Variants in FAM76B observed in about 807,000 individuals in gnomAD.
The protein encoded by FAM76B is protein FAM76B.
FAM76B carries 16 observed loss-of-function variants against 51.8 expected under a neutral mutation model. That is an observed-to-expected ratio of 0.31 (90% CI 0.21 to 0.47). The LOEUF (loss-of-function observed/expected upper bound fraction) is 0.47. Ranked by LOEUF, FAM76B falls within the 20% of genes least tolerant of loss-of-function variation. The pLI is 1.00. For missense variants in FAM76B, 342 were observed against 392.6 expected, an observed-to-expected ratio of 0.87 and a Z score of 1.09; for synonymous variants, 166 against 129.5, an observed-to-expected ratio of 1.28 and a Z score of -1.91.
chr11:95,783,062 T>C lies in FAM76B; in HGVS notation c.563+3A>G, dbSNP rs1347588702. 6.2e-7 allele frequency: 1 copy of C among 1,613,576 alleles called. No homozygotes were observed. Among genetic ancestry groups the C allele is most frequent in the Non-Finnish European group, 8.5e-7 (1 of 1,179,754 alleles). On this transcript the variant is annotated splice_donor_region_variant and intron_variant, in intron 5 of 9. Coordinates refer to ENST00000358780, the MANE Select transcript of FAM76B (RefSeq NM_144664.5). ...TTAGAAAATATGATTTCAAAGTACTTACTTGTGATGGCTACTGCTGTGACG... is the reference window on the plus strand; with the variant it reads ...TTAGAAAATATGATTTCAAAGTACTCACTTGTGATGGCTACTGCTGTGACG...
chr11:95,786,518 CAT>C, intron 3 of FAM76B: 1 of 388,158 alleles, frequency 2.6e-6, no homozygotes, highest in Non-Finnish European at 4.6e-6. Flanking sequence ...TTGTGATTTG[CAT>C]AGTCTGTTAG....
intron 1 of FAM76B, chr11:95,789,146 G>T: frequency 8.1e-7 from 1 of 1,234,372 alleles, no homozygotes; most frequent in Non-Finnish European, 1.1e-6. Context: ...ACCCCCAGAC[G>T]CTGACGGGGC....
At chr11:95,773,337 T>C (rs1200808028) in intron 9 of FAM76B, among the ~76,000 whole-genome samples, 2 of 150,708 alleles carry the variant, frequency 1.3e-5, no homozygotes, top group East Asian at 1.9e-4. Context: ...AATAACACAA[T>C]TGTTAAGTAC....
Position 95,785,268 on chromosome 11 carries a change from CCA to C in FAM76B, c.363+849_363+850del, listed in dbSNP as rs1262027229. ...AACACAGTAAGGTTCGTTACTATCC[CCA>C]GTTTCAGGCATCCACTGGTCTTAGA... On this transcript the variant is annotated intron_variant, in intron 4 of 9. Transcript: ENST00000358780. Among the ~76,000 whole-genome samples, 8 of 152,240 alleles carry C rather than the reference CCA, an allele frequency of 5.3e-5. 1 individual carries two copies. In the South Asian group the frequency reaches 1.7e-3, roughly 32 times the overall value.
intron 1 of FAM76B, chr11:95,789,014 C>T: frequency 7.3e-7 from 1 of 1,362,982 alleles, no homozygotes; most frequent in Non-Finnish European, 9.6e-7. Flanking sequence ...GTGCAAAAAC[C>T]GTCCCCTGCC....
chr11:95,773,298 A>G (rs1859850747), intron 9 of FAM76B, among the ~76,000 whole-genome samples: 1 of 151,082 alleles, frequency 6.6e-6, no homozygotes, highest in Non-Finnish European at 1.5e-5. Flanking sequence ...TTAATAAATT[A>G]CATAAGACAA....
In FAM76B at chr11:95,789,554, G is replaced by T. The variant is rs1455487976; in HGVS notation, c.-76C>A. ...TACGGAGAACCCGAGAGCCGCCGCC[G>T]CCCGGGCCGCGGGCTCCTCCTCCTC... On this transcript the variant is annotated 5_prime_UTR_variant, in exon 1 of 10. Coordinates refer to ENST00000358780, the MANE Select transcript of FAM76B (RefSeq NM_144664.5). 1.5e-6 allele frequency: 2 copies of T among 1,369,846 alleles called. No homozygotes were observed. The highest frequency in any genetic ancestry group is 9.9e-7 in the Non-Finnish European group (1 of 1,006,140). 84.9% of individuals were successfully genotyped at this position (1,369,846 alleles called of 1,614,324 possible). A position where few individuals can be genotyped will look rare whatever the true frequency, so the allele number is the denominator to read the frequency against.
Position 95,788,543 on chromosome 11 carries a change from A to G in FAM76B, c.108T>C (p.Pro36=). 6.2e-7 allele frequency: 1 copy of G among 1,612,826 alleles called. No individual in the cohort carries two copies. Among genetic ancestry groups the G allele is most frequent in the South Asian group, 1.1e-5 (1 of 91,066 alleles). Residue 36 remains proline, a synonymous_variant, in exon 2 of 10, where the codon CCT becomes CCC. Coordinates refer to ENST00000358780, the MANE Select transcript of FAM76B (RefSeq NM_144664.5). ...ATCTGCAGTAAGTACATTTTACAAT[A>G]GGATGTGCAATCCGACATTCCTGTA... ...QLCKECRIAH[P]IVKCTYCRSE... is the part of the protein sequence containing the mutation.
At chr11:95,778,482 C>A (rs1162332655) in intron 8 of FAM76B, among the ~76,000 whole-genome samples, 1 of 151,488 alleles carries the variant, frequency 6.6e-6, no homozygotes, top group African/African-American at 2.4e-5. Flanking sequence ...AAAGACTGTT[C>A]AAACTACATT....
chr11:95,784,761 G>A (rs545547851), intron 4 of FAM76B, among the ~76,000 whole-genome samples: 1 of 152,030 alleles, frequency 6.6e-6, no homozygotes, highest in Admixed American at 6.6e-5. Context: ...CTAATTTTTT[G>A]TATTTTTAGT....
At chr11:95,788,827 G>C (rs1364420081) in intron 1 of FAM76B, 1 of 1,444,232 alleles carries the variant, frequency 6.9e-7, no homozygotes, top group African/African-American at 1.4e-5. Flanking sequence ...TTCAAGGATT[G>C]GTTAAATGTG....
Position 95,771,389 on chromosome 11 carries a change from A to C in FAM76B, c.*172T>G. The C allele has an allele frequency of 2.0e-6, 1 of 496,738 alleles. No individual in the cohort carries two copies. The highest frequency in any genetic ancestry group is 2.4e-5 in the South Asian group (1 of 42,288). The allele number at this position is 496,738 out of a possible 1,614,324, so 30.8% of individuals were successfully genotyped here. On this transcript the variant is annotated 3_prime_UTR_variant, in exon 10 of 10. Coordinates refer to ENST00000358780, the MANE Select transcript of FAM76B (RefSeq NM_144664.5). ...TTCAAACCAGTTGAAGTTTTATTTG[A>C]ATGTTTTACAACTTAAAAAATGCTG...
intron 3 of FAM76B, among the ~76,000 whole-genome samples, chr11:95,786,968 G>A (rs147706629): frequency 1.3e-5 from 2 of 152,152 alleles, no homozygotes; most frequent in East Asian, 1.9e-4. Flanking sequence ...CTTTAATTGC[G>A]CTGTTTTATA....
chr11:95,770,968 T>C lies in FAM76B; in HGVS notation c.*593A>G, dbSNP rs1014551229. 6.6e-6 allele frequency: 1 copy of C among 151,648 alleles called. No homozygotes were observed. Among genetic ancestry groups the C allele is most frequent in the East Asian group, 1.9e-4 (1 of 5,174 alleles). The allele number at this position is 151,648 out of a possible 1,614,324, so 9.4% of individuals were successfully genotyped here. ...ACTGTACAATAAACATTAATTCCTA[T>C]ACCAATAATGAAAATGCTAGGTTAC... is the stretch of plus-strand genomic sequence containing the variant. On this transcript the variant is annotated 3_prime_UTR_variant, in exon 10 of 10. Coordinates refer to ENST00000358780, the MANE Select transcript of FAM76B (RefSeq NM_144664.5).
At chr11:95,788,766 G>A in intron 1 of FAM76B, 3 of 1,406,704 alleles carry the variant, frequency 2.1e-6, no homozygotes, top group Non-Finnish European at 2.8e-6. Flanking sequence ...TTTGTCTTTA[G>A]TAGACGTGGG....
chr11:95,779,131 T>C, intron 7 of FAM76B, 174 bp from the exon 8 acceptor site: 1 of 1,580,704 alleles, frequency 6.3e-7, no homozygotes, highest in Non-Finnish European at 8.6e-7. Flanking sequence ...ACACATTACA[T>C]ACACCTGCAG....
Position 95,779,665 on chromosome 11 carries a change from G to C in FAM76B, c.634C>G (p.Gln212Glu). Residue 212 changes from glutamine to glutamate, a missense_variant, in exon 7 of 10, where the codon CAG becomes GAG. Physicochemically the swap from Gln to Glu is conservative, Grantham distance 29. Coordinates refer to ENST00000358780, the MANE Select transcript of FAM76B (RefSeq NM_144664.5). Reference protein sequence around the residue: ...KQSHKSSATIQNETPKKKPKL... With the variant: ...KQSHKSSATIENETPKKKPKL... ...GGCTTTTTCTTTGGAGTTTCATTCTGAATTGTTGCAGAGGATTTATGGCTG... is the reference window on the plus strand; with the variant it reads ...GGCTTTTTCTTTGGAGTTTCATTCTCAATTGTTGCAGAGGATTTATGGCTG... The C allele has an allele frequency of 6.2e-7, 1 of 1,609,668 alleles. No homozygotes were observed.
chr11:95,772,807 C>T (rs1313098311), intron 9 of FAM76B, among the ~76,000 whole-genome samples: 1 of 150,956 alleles, frequency 6.6e-6, no homozygotes, highest in East Asian at 1.9e-4. Flanking sequence ...TTCTTCCATT[C>T]CCCCACCCTT....
chr11:95,778,733 A>G, intron 8 of FAM76B, 89 bp downstream of exon 8: 2 of 1,432,270 alleles, frequency 1.4e-6, no homozygotes, highest in Middle Eastern at 1.9e-4. Context: ...ACATTACCAA[A>G]TTATTAAAGG....
Sources: gnomAD v4.1 joint callset for allele counts (sites outside exome capture counted in the v4.1 genomes callset) on GRCh38, gnomAD v4.1.1 for gene constraint, MANE v1.5 for transcripts, NCBI Gene and HGNC (gene_info 2026-07-23, HGNC 2026-07-21) for gene names.